NEK9: variants seen among roughly 807,000 people sequenced by gnomAD.
NEK9 encodes the protein serine/threonine-protein kinase Nek9.
A neutral mutation model predicts 123.4 loss-of-function variants in NEK9; 75 were observed. The observed-to-expected ratio is 0.61, with a 90% CI of 0.50 to 0.74. The LOEUF is 0.74. NEK9 is among the 30% of genes least tolerant of loss of function. The probability of loss-of-function intolerance (pLI) is 0.00; values close to 1 mark genes in which losing one functional copy is unlikely to be tolerated. For synonymous variants in NEK9, 438 were observed against 458.7 expected, an observed-to-expected ratio of 0.95 and a Z score of 0.58; for missense variants, 952 against 1,214.4, an observed-to-expected ratio of 0.78 and a Z score of 3.21.
Position 75,114,186 on chromosome 14 carries a change from G to A in NEK9, c.873+17C>T. 6.4e-7 allele frequency: 1 copy of A among 1,562,392 alleles called. No homozygotes were observed. The highest frequency in any genetic ancestry group is 8.8e-7 in the Non-Finnish European group (1 of 1,132,966). On this transcript the variant is annotated intron_variant, in intron 7 of 21. Transcript: ENST00000238616. Reference sequence around the variant, plus strand: ...GGGGAAATACGAAACTGAAGTGAATGTTTAAGTCACACCTACCTGGTCAAG... The same window carrying A: ...GGGGAAATACGAAACTGAAGTGAATATTTAAGTCACACCTACCTGGTCAAG...
At chr14:75,121,765 C>G (rs942353324) in intron 2 of NEK9, among the ~76,000 whole-genome samples, 1 of 152,054 alleles carries the variant, frequency 6.6e-6, no homozygotes, top group Admixed American at 6.6e-5. Flanking sequence ...GTGGGAGGGT[C>G]GCCTGAGCGT....
chr14:75,091,518 G>A lies in NEK9; in HGVS notation c.2234-40C>T, dbSNP rs1894217446. The A allele has an allele frequency of 3.4e-6, 5 of 1,452,570 alleles. No individual in the cohort carries two copies. The Admixed American group carries it at 9.7e-5, about 28-fold the overall frequency. The allele number at this position is 1,452,570 out of a possible 1,614,324, so 90.0% of individuals were successfully genotyped here. On this transcript the variant is annotated intron_variant, in intron 18 of 21. Transcript: ENST00000238616. The stretch of plus-strand genomic sequence containing the variant: ...GCACAGAAATAGACAGCTTTGCTAT[G>A]CAGCAAGACAGATTTACCATTTGAC...
chr14:75,091,917 G>C (rs1894230596), intron 18 of NEK9, among the ~76,000 whole-genome samples: 1 of 152,038 alleles, frequency 6.6e-6, no homozygotes, highest in African/African-American at 2.4e-5. Context: ...TCCTCTTAAA[G>C]TTGCCAGATA....
intron 13 of NEK9, 97 bp from the exon 14 acceptor site, chr14:75,104,094 C>T (rs1894684362): frequency 8.0e-7 from 1 of 1,253,674 alleles, no homozygotes; most frequent in Non-Finnish European, 1.1e-6. Context: ...CTGCATTTAG[C>T]AGAATGACTA....
rs543720654 is a variant in NEK9, at chr14:75,120,609, A to T, written c.454-29T>A. 2.6e-6 allele frequency: 4 copies of T among 1,555,846 alleles called. No homozygotes were observed. The East Asian group carries it at 6.7e-5, about 26-fold the overall frequency. On this transcript the variant is annotated intron_variant, in intron 3 of 21. Transcript: ENST00000238616. ...CAGAGAAAAAATAAATATTTGGATT[A>T]GAAACAAAAAGCTCCATTTAAGTAA... is the stretch of plus-strand genomic sequence containing the variant.
intron 4 of NEK9, among the ~76,000 whole-genome samples, chr14:75,119,342 G>A (rs1398282661): frequency 6.6e-6 from 1 of 152,046 alleles, no homozygotes; most frequent in Non-Finnish European, 1.5e-5. Context: ...AACAAAAAAA[G>A]AGTGTTACCA....
chr14:75,127,139 C>T (rs570126623), upstream of NEK9: 108 of 478,198 alleles, frequency 2.3e-4, no homozygotes, highest in African/African-American at 1.9e-3. Context: ...GCTAGTCTAG[C>T]GGCCAAGGCT....
At chr14:75,110,205 C>T in intron 9 of NEK9, 116 bp downstream of exon 9, 1 of 751,870 alleles carries the variant, frequency 1.3e-6, no homozygotes, top group Non-Finnish European at 2.2e-6. Flanking sequence ...TAAGCAGATG[C>T]TGGCTCCTGA....
rs771146295 is a variant in NEK9 at position 75,124,149 on chromosome 14, A to T, written c.294T>A (p.Asn98Lys). 6.2e-7 allele frequency: 1 copy of T among 1,613,608 alleles called. No homozygotes were observed. Among genetic ancestry groups the T allele is most frequent in the Non-Finnish European group, 8.5e-7 (1 of 1,179,500 alleles). Residue 98 changes from asparagine to lysine, a missense_variant, in exon 2 of 22, where the codon AAT becomes AAA. Physicochemically the swap from Asn to Lys is moderately conservative, Grantham distance 94. Transcript: ENST00000238616. Reference protein sequence around the residue: ...LSEKERRDALNEIVILALLQH... With the variant: ...LSEKERRDALKEIVILALLQH... The stretch of plus-strand genomic sequence containing the variant: ...GCAGCAGTGCCAGAATAACAATCTC[A>T]TTCAAGGCATCACGACGTTCCTTCT...
chr14:75,126,307 A>C (rs755518282), intron 1 of NEK9, among the ~76,000 whole-genome samples: 1 of 152,110 alleles, frequency 6.6e-6, no homozygotes, highest in Non-Finnish European at 1.5e-5. Flanking sequence ...AGAACTATAT[A>C]TACAGCATGA....
chr14:75,115,778 A>AC (rs1381026233), intron 6 of NEK9, among the ~76,000 whole-genome samples: 1 of 151,844 alleles, frequency 6.6e-6, no homozygotes, highest in African/African-American at 2.4e-5. Flanking sequence ...TATCAACCCC[A>AC]CCCCCCAAAA....
chr14:75,106,442 C>A, intron 12 of NEK9, 60 bp downstream of exon 12: 1 of 1,401,284 alleles, frequency 7.1e-7, no homozygotes, highest in Non-Finnish European at 9.7e-7. Context: ...TAGATGCATA[C>A]AACTTTGAAG....
At chr14:75,109,937 T>C in intron 9 of NEK9, 60 bp from the exon 10 acceptor site, 1 of 1,495,096 alleles carries the variant, frequency 6.7e-7, no homozygotes, top group Non-Finnish European at 9.0e-7. Flanking sequence ...CAAAGAAAAA[T>C]GCTTCCAGTC....
At chr14:75,097,345 A>G (rs976668699) in intron 16 of NEK9, 75 bp from the exon 17 acceptor site, 3 of 1,292,008 alleles carry the variant, frequency 2.3e-6, no homozygotes, top group African/African-American at 3.0e-5. Context: ...CCATCTTTAT[A>G]TCCTAGAGCT....
chr14:75,106,068 C>A, intron 12 of NEK9, 72 bp from the exon 13 acceptor site: 1 of 1,412,448 alleles, frequency 7.1e-7, no homozygotes. Flanking sequence ...CTGTAAGATT[C>A]TCTTTTGCCA....
intron 18 of NEK9, among the ~76,000 whole-genome samples, chr14:75,093,694 A>T (rs1894291625): frequency 6.6e-6 from 1 of 152,104 alleles, no homozygotes; most frequent in Non-Finnish European, 1.5e-5. Context: ...TGACCTTGTG[A>T]TCTGCCTGCC....
chr14:75,097,023 A>C (rs1894408193), intron 17 of NEK9, 77 bp downstream of exon 17: 1 of 1,384,000 alleles, frequency 7.2e-7, no homozygotes, highest in African/African-American at 1.4e-5. Context: ...TGTTTCCAAC[A>C]ATGTGACTAA....
In NEK9 at chr14:75,101,148, C is replaced by A; in HGVS notation, c.1846G>T (p.Gly616Cys). ...TTGCAGCCAAAGGTCAGCAGCCGGC[C>A]TCGCTCTGAGAGAGAAGCAAAAAGA... ...KTHTAAIDER[G>C]RLLTFGCNKC... Residue 616 changes from glycine to cysteine, a missense_variant, in exon 16 of 22, where the codon GGC (glycine) becomes TGC (cysteine). This residue lies in a region of NEK9 where 698 missense variants were observed against 875.6 expected (regional missense o/e 0.80). Transcript: ENST00000238616. The A allele has an allele frequency of 1.2e-6, 2 of 1,613,952 alleles. No homozygotes were observed. The highest frequency in any genetic ancestry group is 8.5e-7 in the Non-Finnish European group (1 of 1,179,926).
At chr14:75,098,366 A>C (rs1021488122) in intron 16 of NEK9, among the ~76,000 whole-genome samples, 1 of 152,190 alleles carries the variant, frequency 6.6e-6, no homozygotes, top group Non-Finnish European at 1.5e-5. Context: ...CCAGGACAAC[A>C]GGCATGAAGG....
Sources: gnomAD v4.1 joint callset for allele counts (sites outside exome capture counted in the v4.1 genomes callset) on GRCh38, gnomAD v4.1.1 for gene constraint, gnomAD v4.1.1 regional missense constraint, MANE v1.5 for transcripts, NCBI Gene and HGNC (gene_info 2026-07-23, HGNC 2026-07-21) for gene names.